SLC35E1: variants seen among roughly 807,000 people sequenced by gnomAD.
The protein encoded by SLC35E1 is solute carrier family 35 member E1, also known as solute carrier family 35, member E1.
In SLC35E1, 12 loss-of-function variants were observed where a neutral mutation model predicts 31.0. That is an observed-to-expected ratio of 0.39 (90% CI 0.25 to 0.63). The LOEUF is 0.63. SLC35E1 is among the 20% of genes least tolerant of loss of function. The pLI is 0.52. For synonymous variants in SLC35E1, 257 were observed against 264.1 expected (o/e 0.97, Z 0.26); for missense variants, 429 against 572.2 (o/e 0.75, Z 2.55).
At chr19:16,570,792 C>A (rs1202926107) in intron 2 of SLC35E1, among the ~76,000 whole-genome samples, 1 of 152,188 alleles carries the variant, frequency 6.6e-6, no homozygotes, top group African/African-American at 2.4e-5. Context: ...TGACAGAAAT[C>A]TCTTGTCAAG....
At chr19:16,571,367 G>A in intron 2 of SLC35E1, 145 bp downstream of exon 2, 1 of 754,848 alleles carries the variant, frequency 1.3e-6, no homozygotes. Flanking sequence ...AGTAGTAAAA[G>A]GCCACTGGAG....
At chr19:16,559,919 T>C (rs1164241791) in intron 4 of SLC35E1, among the ~76,000 whole-genome samples, 1 of 152,226 alleles carries the variant, frequency 6.6e-6, no homozygotes, top group Non-Finnish European at 1.5e-5. Context: ...CTGGGTCTTA[T>C]TTAAATCCTA....
chr19:16,555,579 A>G lies in SLC35E1; in HGVS notation c.757-182T>C, dbSNP rs945248494. 3 of 727,252 alleles carry G rather than the reference A, an allele frequency of 4.1e-6. No individual in the cohort carries two copies. The allele number at this position is 727,252 out of a possible 1,614,324, so 45.0% of individuals were successfully genotyped here. A position where few individuals can be genotyped will look rare whatever the true frequency, so the allele number is the denominator to read the frequency against. On this transcript the variant is annotated intron_variant, in intron 4 of 5. Transcript: ENST00000595753. The surrounding 1 kb of genome is among the most constrained non-coding windows in gnomAD (Gnocchi z 4.1). ...CTAGGTGCTTTAGGTCCATGACCTC[A>G]GAACCTCATGACACCACACAGCATG...
In SLC35E1 at chr19:16,571,941, T is replaced by C. The variant is rs1310423574; in HGVS notation, c.421+3A>G. The stretch of plus-strand genomic sequence containing the variant: ...CGCCCCCGAGGCCGGGCGCGGAACC[T>C]ACCGGTGTGTGCATAGGACACGGGC... On this transcript the variant is annotated splice_donor_region_variant and intron_variant, in intron 1 of 5. Coordinates refer to ENST00000595753, the MANE Select transcript of SLC35E1 (RefSeq NM_024881.5). The C allele has an allele frequency of 3.2e-6, 5 of 1,544,870 alleles. No homozygotes were observed. In the Admixed American group the frequency reaches 6.0e-5, roughly 18 times the overall value.
rs2085958686 is a variant in SLC35E1, at chr19:16,571,595, G to A, written c.422-13C>T. On this transcript the variant is annotated splice_polypyrimidine_tract_variant and intron_variant, in intron 1 of 5. Transcript: ENST00000595753. Reference sequence around the variant, plus strand: ...ATGGTGGCCTTGACTGCAAAGAGAGGGATGGGCACTCAGGGGGCTGCCTGA... The same window carrying A: ...ATGGTGGCCTTGACTGCAAAGAGAGAGATGGGCACTCAGGGGGCTGCCTGA... The A allele has an allele frequency of 4.3e-6, 7 of 1,613,458 alleles. No homozygotes were observed. Among genetic ancestry groups the A allele is most frequent in the Non-Finnish European group, 5.1e-6 (6 of 1,179,918 alleles).
chr19:16,572,176 C>G lies in SLC35E1; in HGVS notation c.189G>C (p.Leu63=). The change falls in exon 1 of 6, where the codon CTG becomes CTC. Residue 63 remains leucine, a synonymous_variant. Coordinates refer to ENST00000595753, the MANE Select transcript of SLC35E1 (RefSeq NM_024881.5). The surrounding 1 kb of genome is among the most constrained non-coding windows in gnomAD (Gnocchi z 4.1). ...SAFPFPVTVS[L]CHILALCAGL... ...CAGCGCACAGAGCCAGGATGTGGCA[C>G]AGCGACACGGTCACCGGGAACGGGA... 2 of 1,531,818 alleles carry G rather than the reference C, an allele frequency of 1.3e-6. No individual in the cohort carries two copies. Among genetic ancestry groups the G allele is most frequent in the Non-Finnish European group, 8.8e-7 (1 of 1,138,648 alleles). The allele number at this position is 1,531,818 out of a possible 1,614,324, so 94.9% of individuals were successfully genotyped here.
chr19:16,567,300 T>A (rs1297295125), intron 3 of SLC35E1, among the ~76,000 whole-genome samples: 4 of 151,238 alleles, frequency 2.6e-5, no homozygotes, highest in Non-Finnish European at 5.9e-5. Context: ...GGATTATAGA[T>A]GTGAGCCACT....
intron 4 of SLC35E1, among the ~76,000 whole-genome samples, chr19:16,557,413 T>C (rs977483555): frequency 9.2e-5 from 14 of 152,156 alleles, no homozygotes; most frequent in Admixed American, 2.6e-4. Context: ...CAGGATGGTC[T>C]CGATCTCCTG....
In SLC35E1 at chr19:16,572,348, ACCGCGGCCG is replaced by A. The variant is rs1312487575; in HGVS notation, c.8_16del (p.Ala3_Ala5del). 29 of 1,045,158 alleles carry A rather than the reference ACCGCGGCCG, an allele frequency of 2.8e-5. No homozygotes were observed. The South Asian group carries it at 7.0e-4, about 25-fold the overall frequency. 64.7% of individuals were successfully genotyped at this position (1,045,158 alleles called of 1,614,324 possible). On this transcript the variant is annotated inframe_deletion, in exon 1 of 6. Coordinates refer to ENST00000595753, the MANE Select transcript of SLC35E1 (RefSeq NM_024881.5). The surrounding 1 kb of genome is among the most constrained non-coding windows in gnomAD (Gnocchi z 4.1). ...GCCCCCCGCGCCGTGGCCCGCGCCC[ACCGCGGCCG>A]CCGCCATCCTGCCCGAGCGGCCGCC... is the stretch of plus-strand genomic sequence containing the variant.
Position 16,559,297 on chromosome 19 carries a change from C to T in SLC35E1, c.757-3900G>A, listed in dbSNP as rs547141703. On this transcript the variant is annotated intron_variant, in intron 4 of 5. Coordinates refer to ENST00000595753, the MANE Select transcript of SLC35E1 (RefSeq NM_024881.5). ...CGCCACTGCACTCCAGCCTGGGTGA[C>T]AGAGCAAGACTCCGTCTAAGGGAAA... Among the ~76,000 whole-genome samples the T allele has an allele frequency of 2.5e-4, 38 of 149,512 alleles. 1 individual carries two copies. The South Asian group carries it at 6.8e-3, about 27-fold the overall frequency.
At chr19:16,571,708 G>A (rs527250717) in intron 1 of SLC35E1, 126 bp from the exon 2 acceptor site, 4 of 1,082,218 alleles carry the variant, frequency 3.7e-6, no homozygotes, top group African/African-American at 1.6e-5. Context: ...TCTTTCGGTA[G>A]GGCTTCCTCC....
Position 16,568,046 on chromosome 19 carries a change from T to C in SLC35E1, c.616A>G (p.Ile206Val). 1.2e-6 allele frequency: 2 copies of C among 1,610,322 alleles called. No individual in the cohort carries two copies. Among genetic ancestry groups the C allele is most frequent in the South Asian group, 1.1e-5 (1 of 90,602 alleles). The part of the protein sequence containing the change: ...AATLCFSLQN[I>V]FSKKVLRDSR... Reference sequence around the variant, plus strand: ...TGACCAAATACCTTTTTGGAGAAAATGTTCTGAAGCGAGAAGCACAGCGTG... The same window carrying C: ...TGACCAAATACCTTTTTGGAGAAAACGTTCTGAAGCGAGAAGCACAGCGTG... The change falls in exon 3 of 6, where the codon ATT becomes GTT. Residue 206 changes from isoleucine (I) to valine (V), a missense_variant. Coordinates refer to ENST00000595753, the MANE Select transcript of SLC35E1 (RefSeq NM_024881.5).
At chr19:16,570,726 T>C (rs1726388507) in intron 2 of SLC35E1, among the ~76,000 whole-genome samples, 1 of 152,156 alleles carries the variant, frequency 6.6e-6, no homozygotes, top group Admixed American at 6.5e-5. Context: ...CTTTGCTGGA[T>C]TTTGCCAAGA....
intron 4 of SLC35E1, among the ~76,000 whole-genome samples, chr19:16,560,429 A>G (rs147895677): frequency 3.9e-4 from 59 of 152,260 alleles, no homozygotes; most frequent in East Asian, 3.9e-3. Flanking sequence ...TCTGAGGACT[A>G]TATGTCCTCA....
intron 4 of SLC35E1, among the ~76,000 whole-genome samples, chr19:16,561,716 C>G (rs1333550691): frequency 6.6e-6 from 1 of 152,202 alleles, no homozygotes; most frequent in Non-Finnish European, 1.5e-5. Context: ...CCCGCCTGTT[C>G]TGGAGAACAG....
In SLC35E1 at chr19:16,555,222, C is replaced by T. The variant is rs202071873; in HGVS notation, c.932G>A (p.Arg311His). 186 of 1,614,124 alleles carry T rather than the reference C, an allele frequency of 1.2e-4. 1 individual carries two copies. In the East Asian group the frequency reaches 2.7e-3, roughly 23 times the overall value. ...MVITVSLIML[R>H]NPVTSTNVLG... ...GACGTTGGTGCTGGTGACTGGGTTG[C>T]GCAGCATGATCAGGGACACCGTGAT... The change falls in exon 5 of 6, where the codon CGC (arginine) becomes CAC (histidine). Residue 311 changes from arginine (R) to histidine (H), a missense_variant. By Grantham distance (29) the Arg-to-His change is conservative. Coordinates refer to ENST00000595753, the MANE Select transcript of SLC35E1 (RefSeq NM_024881.5). The surrounding 1 kb of genome is among the most constrained non-coding windows in gnomAD (Gnocchi z 4.1).
In SLC35E1 at chr19:16,568,039, G is replaced by A; in HGVS notation, c.623C>T (p.Ser208Phe). 6.2e-7 allele frequency: 1 copy of A among 1,608,874 alleles called. No individual in the cohort carries two copies. Among genetic ancestry groups the A allele is most frequent in the Non-Finnish European group, 8.5e-7 (1 of 1,177,606 alleles). The change falls in exon 3 of 6, where the codon TCC becomes TTC. Residue 208 changes from serine to phenylalanine, a missense_variant. Coordinates refer to ENST00000595753, the MANE Select transcript of SLC35E1 (RefSeq NM_024881.5). ...TLCFSLQNIFSKKVLRDSRIH... is the reference protein window; with the variant it reads ...TLCFSLQNIFFKKVLRDSRIH... The stretch of plus-strand genomic sequence containing the variant: ...CTGATGGTGACCAAATACCTTTTTG[G>A]AGAAAATGTTCTGAAGCGAGAAGCA...
chr19:16,570,601 G>C (rs551700796), intron 2 of SLC35E1, among the ~76,000 whole-genome samples: 1 of 152,284 alleles, frequency 6.6e-6, no homozygotes, highest in African/African-American at 2.4e-5. Flanking sequence ...TTGGCATCTT[G>C]AACAGAATTT....
rs1599761424 is a variant in SLC35E1, at chr19:16,553,590, T to C, written c.*89A>G. The C allele has an allele frequency of 2.4e-6, 3 of 1,239,368 alleles. No homozygotes were observed. The highest frequency in any genetic ancestry group is 1.9e-5 in the South Asian group (1 of 53,464). 76.8% of individuals were successfully genotyped at this position (1,239,368 alleles called of 1,614,324 possible). On this transcript the variant is annotated 3_prime_UTR_variant, in exon 6 of 6. Transcript: ENST00000595753. Reference sequence around the variant, plus strand: ...GTTATGCACCGTCCCCTCGGCTGGGTTGTACATTCACTGATTGTCAGAAGT... The same window carrying C: ...GTTATGCACCGTCCCCTCGGCTGGGCTGTACATTCACTGATTGTCAGAAGT...
Sources: gnomAD v4.1 joint callset for allele counts (sites outside exome capture counted in the v4.1 genomes callset) on GRCh38, gnomAD v4.1.1 for gene constraint, Gnocchi (gnomAD v3.1) non-coding constraint, MANE v1.5 for transcripts, NCBI Gene and HGNC (gene_info 2026-07-23, HGNC 2026-07-21) for gene names.